Variants in RAB3GAP1 observed in about 807,000 individuals in gnomAD.
The protein encoded by RAB3GAP1 is RAB3 GTPase activating protein catalytic subunit 1, also known as rab3 GTPase-activating protein catalytic subunit.
A neutral mutation model predicts 130.7 loss-of-function variants in RAB3GAP1; 86 were observed. The ratio of observed to expected loss-of-function variants is 0.66; its 90% CI spans 0.55 to 0.79. The LOEUF (loss-of-function observed/expected upper bound fraction) is 0.79. Among genes scored for constraint, RAB3GAP1 ranks in the 30% least tolerant of loss-of-function variants. The probability of loss-of-function intolerance (pLI) is 0.00; values close to 1 mark genes in which losing one functional copy is unlikely to be tolerated. For synonymous variants in RAB3GAP1, 367 were observed against 401.7 expected, an observed-to-expected ratio of 0.91 and a Z score of 1.03; for missense variants, 1,029 against 1,169.4, an observed-to-expected ratio of 0.88 and a Z score of 1.75.
intron 5 of RAB3GAP1, among the ~76,000 whole-genome samples, chr2:135,102,343 G>A (rs1283301382): frequency 6.6e-6 from 1 of 152,208 alleles, no homozygotes; most frequent in East Asian, 1.9e-4. Flanking sequence ...AAGGGACACA[G>A]CCTTGCAGCT....
chr2:135,098,796 G>A (rs1009172025), intron 5 of RAB3GAP1, among the ~76,000 whole-genome samples: 1 of 152,098 alleles, frequency 6.6e-6, no homozygotes, highest in Non-Finnish European at 1.5e-5. Context: ...AGGAGCTATT[G>A]TAATGATATT....
intron 5 of RAB3GAP1, among the ~76,000 whole-genome samples, chr2:135,106,478 C>CA (rs1458886341): frequency 6.6e-6 from 1 of 152,156 alleles, no homozygotes; most frequent in Admixed American, 6.5e-5. Flanking sequence ...CTCTCTGAAA[C>CA]GTGCTGTGTC....
At chr2:135,084,732 A>G (rs1318922839) in intron 3 of RAB3GAP1, among the ~76,000 whole-genome samples, 2 of 152,228 alleles carry the variant, frequency 1.3e-5, no homozygotes, top group East Asian at 3.9e-4. Context: ...CACCCTAAAT[A>G]CATATTAAGC....
intron 3 of RAB3GAP1, among the ~76,000 whole-genome samples, chr2:135,064,073 A>G (rs1268353563): frequency 6.6e-6 from 1 of 152,038 alleles, no homozygotes; most frequent in African/African-American, 2.4e-5. Flanking sequence ...AGATATATTC[A>G]TATTTTTGTT....
chr2:135,126,713 C>A, intron 11 of RAB3GAP1, 57 bp downstream of exon 11: 1 of 1,377,920 alleles, frequency 7.3e-7, no homozygotes, highest in East Asian at 2.3e-5. Context: ...ACTTCCAAAT[C>A]GGAGACACTG....
At chr2:135,082,442 CTT>C (rs746223510) in intron 3 of RAB3GAP1, among the ~76,000 whole-genome samples, 15 of 141,556 alleles carry the variant, frequency 1.1e-4, no homozygotes, top group Non-Finnish European at 1.1e-4. Context: ...AATACACACA[CTT>C]TTTTTTTTTT....
chr2:135,142,356 CA>C (rs1691867693), intron 17 of RAB3GAP1, among the ~76,000 whole-genome samples: 1 of 151,910 alleles, frequency 6.6e-6, no homozygotes, highest in East Asian at 1.9e-4. Context: ...TAGATATAAA[CA>C]GTTGATTTTT....
chr2:135,127,354 TTTG>T (rs1691382260), intron 11 of RAB3GAP1, among the ~76,000 whole-genome samples: 1 of 151,786 alleles, frequency 6.6e-6, no homozygotes, highest in African/African-American at 2.4e-5. Context: ...TGTTTGTTTG[TTTG>T]TTTTGAGAGG....
chr2:135,052,318 A>G lies in RAB3GAP1; in HGVS notation c.11A>G (p.Asp4Gly), dbSNP rs774910398. 1 of 1,613,898 alleles carries G rather than the reference A, an allele frequency of 6.2e-7. No homozygotes were observed. Among genetic ancestry groups the G allele is most frequent in the South Asian group, 1.1e-5 (1 of 91,078 alleles). MAA[D>G]SEPESEVFEI... ...CCGGCGCTCCTCAAGATGGCTGCCG[A>G]CAGTGAGGTGATTTCTTTGCTCCCT... The change falls in exon 1 of 24, where the codon GAC becomes GGC. Residue 4 changes from aspartate to glycine, a missense_variant. Asp to Gly is a moderately conservative substitution (Grantham distance 94). This residue lies in a region of RAB3GAP1 where 510 missense variants were observed against 532.1 expected (regional missense o/e 0.96). Coordinates refer to ENST00000264158, the MANE Select transcript of RAB3GAP1 (RefSeq NM_012233.3).
chr2:135,171,038 G>A (rs1692836363), downstream of RAB3GAP1, among the ~76,000 whole-genome samples: 1 of 152,026 alleles, frequency 6.6e-6, no homozygotes, highest in Non-Finnish European at 1.5e-5. Flanking sequence ...TGTGAAGAAG[G>A]CCACTCTAGG....
intron 17 of RAB3GAP1, among the ~76,000 whole-genome samples, chr2:135,144,316 C>T (rs910223822): frequency 6.6e-6 from 1 of 151,088 alleles, no homozygotes; most frequent in Non-Finnish European, 1.5e-5. Flanking sequence ...TGGTCTCCCA[C>T]CTGAAGTCGG....
At chr2:135,127,083 T>C (rs1406983018) in intron 11 of RAB3GAP1, among the ~76,000 whole-genome samples, 1 of 151,234 alleles carries the variant, frequency 6.6e-6, no homozygotes, top group Non-Finnish European at 1.5e-5. Flanking sequence ...CACCGTGTTA[T>C]CCAGGATAGT....
chr2:135,056,233 C>T (rs1407798064), intron 2 of RAB3GAP1, among the ~76,000 whole-genome samples: 1 of 152,000 alleles, frequency 6.6e-6, no homozygotes, highest in South Asian at 2.1e-4. Flanking sequence ...GACAGAGTCT[C>T]ACTCTGTTGC....
chr2:135,115,218 A>T lies in RAB3GAP1; in HGVS notation c.485A>T (p.Gln162Leu). Residue 162 changes from glutamine (Q) to leucine (L), a missense_variant and splice_region_variant, in exon 7 of 24, where the codon CAG (glutamine) becomes CTG (leucine). Around this residue, in one of 3 missense-constraint regions of RAB3GAP1, gnomAD observed 510 missense variants for 532.1 expected, o/e 0.96. Coordinates refer to ENST00000264158, the MANE Select transcript of RAB3GAP1 (RefSeq NM_012233.3). ...VSIALGNTGC[Q>L]VPLFVQIHHK... is the part of the protein sequence containing the mutation. Reference sequence around the variant, plus strand: ...TCCTATTTAATCATGTCTTGCAGTCAGGTGCCACTCTTTGTGCAAATTCAC... The same window carrying T: ...TCCTATTTAATCATGTCTTGCAGTCTGGTGCCACTCTTTGTGCAAATTCAC... 2 of 1,607,798 alleles carry T rather than the reference A, an allele frequency of 1.2e-6. No homozygotes were observed. The highest frequency in any genetic ancestry group is 1.7e-6 in the Non-Finnish European group (2 of 1,174,312).
chr2:135,124,335 T>C (rs1301333049), intron 9 of RAB3GAP1, 89 bp downstream of exon 9: 4 of 1,292,678 alleles, frequency 3.1e-6, no homozygotes, highest in Non-Finnish European at 4.5e-6. Context: ...TATGATGCTA[T>C]AGCTTGCTGG....
chr2:135,118,931 A>G (rs1439999169), intron 7 of RAB3GAP1, among the ~76,000 whole-genome samples: 1 of 152,038 alleles, frequency 6.6e-6, no homozygotes, highest in Middle Eastern at 3.2e-3. Context: ...ATGCCCTCAC[A>G]CTGGACTGAG....
intron 19 of RAB3GAP1, among the ~76,000 whole-genome samples, chr2:135,160,042 G>A (rs900565426): frequency 2.6e-5 from 4 of 152,128 alleles, no homozygotes; most frequent in Admixed American, 6.5e-5. Context: ...TTTTGGGGGA[G>A]ATGAAAGAAA....
intron 23 of RAB3GAP1, among the ~76,000 whole-genome samples, chr2:135,164,977 G>T (rs1358958118): frequency 6.6e-6 from 1 of 152,206 alleles, no homozygotes; most frequent in Non-Finnish European, 1.5e-5. Context: ...GAGTCAGTTA[G>T]CAATGGCCAG....
chr2:135,115,227 T>C lies in RAB3GAP1; in HGVS notation c.494T>C (p.Leu165Pro). The C allele has an allele frequency of 6.2e-7, 1 of 1,610,650 alleles. No individual in the cohort carries two copies. The highest frequency in any genetic ancestry group is 8.5e-7 in the Non-Finnish European group (1 of 1,176,878). Residue 165 changes from leucine (L) to proline (P), a missense_variant, in exon 7 of 24, where the codon CTC becomes CCC. Physicochemically the swap from Leu to Pro is moderately conservative, Grantham distance 98. Coordinates refer to ENST00000264158, the MANE Select transcript of RAB3GAP1 (RefSeq NM_012233.3). The stretch of plus-strand genomic sequence containing the variant: ...ATCATGTCTTGCAGTCAGGTGCCAC[T>C]CTTTGTGCAAATTCACCACAAATGG... ...ALGNTGCQVP[L>P]FVQIHHKWRR...
Sources: allele counts gnomAD v4.1 joint callset (sites outside exome capture counted in the v4.1 genomes callset), GRCh38; gene constraint gnomAD v4.1.1; regional missense constraint gnomAD v4.1.1; transcripts MANE v1.5; gene names NCBI Gene and HGNC (gene_info 2026-07-23, HGNC 2026-07-21).